The following RBMS3 variants were observed in gnomAD, a reference collection of about 807,000 sequenced individuals.
RBMS3 encodes RNA-binding motif, single-stranded-interacting protein 3.
Under a neutral mutation model 66.8 loss-of-function variants are expected in RBMS3, and 27 were observed. That is an observed-to-expected ratio of 0.40 (90% CI 0.30 to 0.56). RBMS3 has a LOEUF of 0.56. Among genes scored for constraint, RBMS3 ranks in the 20% least tolerant of loss-of-function variants. RBMS3 has a pLI of 0.40. For missense variants in RBMS3, 513 were observed against 549.5 expected, an observed-to-expected ratio of 0.93 and a Z score of 0.66; for synonymous variants, 188 against 183.0, an observed-to-expected ratio of 1.03 and a Z score of -0.22.
At chr3:29,650,533 T>C in intron 4 of RBMS3, among the ~76,000 whole-genome samples, 1 of 152,108 alleles carries the variant, frequency 6.6e-6, no homozygotes, top group Non-Finnish European at 1.5e-5. Context: ...GCTCAAATGA[T>C]CCTCCTGCCT....
rs551517562 is a variant in RBMS3 at position 29,550,696 on chromosome 3, A to G, written c.308-36418A>G. ...TGCAATATTTGGGACATGCTTACAC[A>G]AAATTTTTTTGGTGTTTATCTGAAA... On this transcript the variant is annotated intron_variant, in intron 3 of 14. Coordinates refer to ENST00000383767, the MANE Select transcript of RBMS3 (RefSeq NM_001003793.3). Among the ~76,000 whole-genome samples, 134 of 152,314 alleles carry G rather than the reference A, an allele frequency of 8.8e-4. 2 individuals are homozygous for G. Among genetic ancestry groups the G allele is most frequent in the African/African-American group, 3.2e-3 (133 of 41,582 alleles).
intron 3 of RBMS3, among the ~76,000 whole-genome samples, chr3:29,565,925 GA>G (rs1184060797): frequency 6.6e-6 from 1 of 152,098 alleles, no homozygotes; most frequent in African/African-American, 2.4e-5. Flanking sequence ...AAGATTCTAT[GA>G]TGCTCCTTAA....
chr3:29,653,245 G>A (rs2050204841), intron 4 of RBMS3, among the ~76,000 whole-genome samples: 1 of 152,114 alleles, frequency 6.6e-6, no homozygotes, highest in Admixed American at 6.6e-5. Context: ...AAAATTCTGA[G>A]TGGCATTTCC....
At chr3:29,768,038 A>G (rs1224092084) in intron 6 of RBMS3, among the ~76,000 whole-genome samples, 3 of 151,988 alleles carry the variant, frequency 2.0e-5, no homozygotes, top group Non-Finnish European at 4.4e-5. Context: ...TATCTTTGTG[A>G]AACTAAAGCA....
chr3:29,282,398 C>A (rs1214771402), intron 1 of RBMS3, among the ~76,000 whole-genome samples: 1 of 152,028 alleles, frequency 6.6e-6, no homozygotes, highest in African/African-American at 2.4e-5. Flanking sequence ...TGTGTAGCTG[C>A]CATGAGGAGG....
intron 6 of RBMS3, among the ~76,000 whole-genome samples, chr3:29,785,988 G>A (rs890175744): frequency 1.3e-5 from 2 of 151,574 alleles, no homozygotes; most frequent in Non-Finnish European, 2.9e-5. Context: ...AAATAATTCA[G>A]CAAAATTTCA....
At chr3:29,337,066 C>T (rs978335475) in intron 1 of RBMS3, among the ~76,000 whole-genome samples, 1 of 152,002 alleles carries the variant, frequency 6.6e-6, no homozygotes, top group African/African-American at 2.4e-5. Context: ...TATTTATATA[C>T]ATATAATATG....
At chr3:29,555,903 T>A (rs552439534) in intron 3 of RBMS3, among the ~76,000 whole-genome samples, 5 of 152,194 alleles carry the variant, frequency 3.3e-5, no homozygotes, top group South Asian at 2.1e-4. Flanking sequence ...TCAGAACTAA[T>A]GTAGTAATAG....
intron 2 of RBMS3, among the ~76,000 whole-genome samples, chr3:29,464,705 A>G (rs1195662180): frequency 2.6e-5 from 4 of 152,302 alleles, no homozygotes; most frequent in African/African-American, 9.6e-5. Context: ...AATGTTATTC[A>G]TCATTCAGGA....
At chr3:29,436,358 CT>C (rs2041403470) in intron 2 of RBMS3, among the ~76,000 whole-genome samples, 1 of 152,166 alleles carries the variant, frequency 6.6e-6, no homozygotes, top group South Asian at 2.1e-4. Context: ...TTGGAGTCCC[CT>C]GTTGCTACTG....
At position 29,696,130 on chromosome 3, in the gene RBMS3, A is replaced by G. The variant is rs9882509; in HGVS notation, c.400-43590A>G. On this transcript the variant is annotated intron_variant, in intron 4 of 14. Transcript: ENST00000383767. ...ATCTCTGTAACAAAGATGGATGGTG[A>G]CACTTAATTATGGACACTCACAGGC... Among the ~76,000 whole-genome samples the G allele has an allele frequency of 7.9e-5, 12 of 152,302 alleles. No homozygotes were observed. In the South Asian group the frequency reaches 1.9e-3, roughly 24 times the overall value.
chr3:29,944,140 G>A, intron 11 of RBMS3, 67 bp from the exon 12 acceptor site: 1 of 1,421,884 alleles, frequency 7.0e-7, no homozygotes, highest in Non-Finnish European at 9.9e-7. Flanking sequence ...CCACGTGTTA[G>A]GGCTGATTCT....
At chr3:29,987,131 C>T (rs1269145389) in intron 12 of RBMS3, among the ~76,000 whole-genome samples, 1 of 152,092 alleles carries the variant, frequency 6.6e-6, no homozygotes, top group Non-Finnish European at 1.5e-5. Context: ...GTAAAATAAT[C>T]AGGAGCTTTT....
chr3:30,002,306 A>G (rs1346129907), intron 14 of RBMS3, among the ~76,000 whole-genome samples: 1 of 151,954 alleles, frequency 6.6e-6, no homozygotes, highest in Non-Finnish European at 1.5e-5. Context: ...AAAGAGATTC[A>G]TGGTGTTTTA....
At chr3:29,905,506 C>T (rs2060355351) in intron 10 of RBMS3, among the ~76,000 whole-genome samples, 1 of 151,962 alleles carries the variant, frequency 6.6e-6, no homozygotes, top group Non-Finnish European at 1.5e-5. Flanking sequence ...CTCTATATTT[C>T]GTCCTCTGGC....
intron 5 of RBMS3, among the ~76,000 whole-genome samples, chr3:29,758,165 T>C (rs1403679790): frequency 6.6e-6 from 1 of 152,180 alleles, no homozygotes; most frequent in Non-Finnish European, 1.5e-5. Flanking sequence ...GAAGTAATAG[T>C]GGCTGGGTAG....
intron 12 of RBMS3, among the ~76,000 whole-genome samples, chr3:29,987,137 C>G (rs1487477827): frequency 6.6e-6 from 1 of 152,072 alleles, no homozygotes; most frequent in East Asian, 1.9e-4. Context: ...TAATCAGGAG[C>G]TTTTGATTTG....
chr3:29,523,937 A>G (rs1191128191), intron 3 of RBMS3, among the ~76,000 whole-genome samples: 1 of 151,908 alleles, frequency 6.6e-6, no homozygotes, highest in Non-Finnish European at 1.5e-5. Context: ...AGGTCCCCGT[A>G]TGTTGCCCAG....
chr3:29,937,897 C>T (rs7616462), intron 11 of RBMS3, among the ~76,000 whole-genome samples: 4,574 of 151,956 alleles, frequency 0.03, 212 homozygotes, highest in African/African-American at 0.096. Context: ...GATTTCCCTC[C>T]ATATCAGCCT....
Sources: allele counts gnomAD v4.1 joint callset (sites outside exome capture counted in the v4.1 genomes callset), GRCh38; gene constraint gnomAD v4.1.1; transcripts MANE v1.5; gene names NCBI Gene and HGNC (gene_info 2026-07-23, HGNC 2026-07-21).